Variants in IYD observed in about 807,000 individuals in gnomAD.
IYD encodes iodotyrosine deiodinase 1.
Under a neutral mutation model 28.4 loss-of-function variants are expected in IYD, and 25 were observed. The observed-to-expected ratio is 0.88, with a 90% confidence interval of 0.64 to 1.23. The LOEUF is 1.23. IYD is among the 50% of genes most tolerant of loss of function. The pLI, the probability that IYD is intolerant of heterozygous loss-of-function variation, is 0.00. For synonymous variants in IYD, 140 were observed against 130.8 expected, an observed-to-expected ratio of 1.07 and a Z score of -0.48; for missense variants, 352 against 357.9, an observed-to-expected ratio of 0.98 and a Z score of 0.13.
intron 1 of IYD, chr6:150,384,169 G>C (rs1276801180): frequency 6.6e-6 from 1 of 152,174 alleles, no homozygotes; most frequent in East Asian, 1.9e-4. Flanking sequence ...TATCACAGCA[G>C]ACTGATGATC....
chr6:150,370,921 C>A (rs1052152847), intron 1 of IYD, among the ~76,000 whole-genome samples: 5 of 152,092 alleles, frequency 3.3e-5, no homozygotes, highest in Non-Finnish European at 7.4e-5. Flanking sequence ...AGTGACACAC[C>A]TGAGCAGAAA....
At chr6:150,373,699 C>A (rs1315065476) in intron 1 of IYD, among the ~76,000 whole-genome samples, 1 of 152,144 alleles carries the variant, frequency 6.6e-6, no homozygotes, top group Non-Finnish European at 1.5e-5. Flanking sequence ...TCCCTTCCAC[C>A]CCACAAAGAG....
Position 150,403,113 on chromosome 6 carries a change from T to C in IYD, c.*4876T>C, listed in dbSNP as rs1778556582. The C allele has an allele frequency of 6.6e-6, 1 of 152,142 alleles. No individual in the cohort carries two copies. The highest frequency in any genetic ancestry group is 1.5e-5 in the Non-Finnish European group (1 of 68,022). The allele number at this position is 152,142 out of a possible 1,614,324, so 9.4% of individuals were successfully genotyped here. ...AGGCTAGTTTTTCTAAATATTGGAG[T>C]TCCCAAAGAGTATTCAAACTGATGT... On this transcript the variant is annotated 3_prime_UTR_variant, in exon 5 of 5. Transcript: ENST00000344419.
chr6:150,379,326 T>C (rs141036092), intron 1 of IYD, among the ~76,000 whole-genome samples: 33 of 152,330 alleles, frequency 2.2e-4, no homozygotes, highest in African/African-American at 7.7e-4. Context: ...CAAGCCAGCA[T>C]CGTCCCCCAG....
At chr6:150,383,881 T>C (rs1410238946) in intron 1 of IYD, among the ~76,000 whole-genome samples, 2 of 151,718 alleles carry the variant, frequency 1.3e-5, no homozygotes, top group African/African-American at 4.8e-5. Flanking sequence ...AGTGGATTTG[T>C]ATCTACTAAA....
chr6:150,376,197 C>T (rs923794476), intron 1 of IYD, among the ~76,000 whole-genome samples: 3 of 152,126 alleles, frequency 2.0e-5, no homozygotes, highest in Non-Finnish European at 4.4e-5. Context: ...CAGTTTGGGC[C>T]AAAACTGCTC....
At chr6:150,384,139 G>A (rs974857816) in intron 1 of IYD, among the ~76,000 whole-genome samples, 4 of 152,210 alleles carry the variant, frequency 2.6e-5, no homozygotes, top group African/African-American at 4.8e-5. Context: ...AGGAAAGTGA[G>A]TGCTGAGCAT....
chr6:150,388,965 A>G (rs1446505121), intron 1 of IYD, among the ~76,000 whole-genome samples: 1 of 151,790 alleles, frequency 6.6e-6, no homozygotes, highest in African/African-American at 2.4e-5. Flanking sequence ...GCCTCCCAAA[A>G]TGCTGGGATT....
intron 2 of IYD, 98 bp downstream of exon 2, chr6:150,389,641 G>A: frequency 9.3e-7 from 1 of 1,071,678 alleles, no homozygotes; most frequent in Admixed American, 1.7e-5. Flanking sequence ...AGCGAATAAA[G>A]CCTAGAGTGA....
chr6:150,389,411 C>G lies in IYD; in HGVS notation c.238C>G (p.His80Asp). 1 of 1,613,548 alleles carries G rather than the reference C, an allele frequency of 6.2e-7. No homozygotes were observed. The highest frequency in any genetic ancestry group is 8.5e-7 in the Non-Finnish European group (1 of 1,179,522). The change falls in exon 2 of 5, where the codon CAC (histidine) becomes GAC (aspartate). Residue 80 changes from histidine (H) to aspartate (D), a missense_variant. Coordinates refer to ENST00000344419, the MANE Select transcript of IYD (RefSeq NM_203395.3). ...NVEHIPFSHNHYPEKEMVKRS... is the reference protein window; with the variant it reads ...NVEHIPFSHNDYPEKEMVKRS... ...TGAACACATCCCCTTCTCTCATAACCACTATCCTGAGAAGGAAATGGTTAA... is the reference window on the plus strand; with the variant it reads ...TGAACACATCCCCTTCTCTCATAACGACTATCCTGAGAAGGAAATGGTTAA...
intron 3 of IYD, 77 bp from the exon 4 acceptor site, chr6:150,394,022 T>C: frequency 7.5e-7 from 1 of 1,342,174 alleles, no homozygotes; most frequent in Non-Finnish European, 1.0e-6. Flanking sequence ...TTTATTTTTA[T>C]CATAAAGAAG....
chr6:150,388,675 C>CTTTCTTTCTT (rs1777991106), intron 1 of IYD, among the ~76,000 whole-genome samples: 1 of 133,414 alleles, frequency 7.5e-6, no homozygotes, highest in East Asian at 2.1e-4. Flanking sequence ...TTCTTTCTTT[C>CTTTCTTTCTT]TTTCTTTCTT....
At chr6:150,379,592 A>G (rs1355931195) in intron 1 of IYD, among the ~76,000 whole-genome samples, 2 of 152,238 alleles carry the variant, frequency 1.3e-5, no homozygotes, top group South Asian at 2.1e-4. Flanking sequence ...GTTTAAATAT[A>G]TAAGGAATAA....
intron 1 of IYD, among the ~76,000 whole-genome samples, chr6:150,387,417 A>T (rs1777907509): frequency 7.3e-6 from 1 of 136,150 alleles, no homozygotes; most frequent in African/African-American, 3.0e-5. Context: ...AAGAGAAAGA[A>T]AAAAGTTCTT....
rs917862266 is a variant in IYD, at chr6:150,404,554, A to G, written c.*6317A>G. 1.3e-5 allele frequency: 2 copies of G among 152,230 alleles called. No homozygotes were observed. The highest frequency in any genetic ancestry group is 4.8e-5 in the African/African-American group (2 of 41,460). The allele number at this position is 152,230 out of a possible 1,614,324, so 9.4% of individuals were successfully genotyped here. ...TCAATGATTTGAAGTGCTAAAATAG[A>G]AAATTAAATATGATAAATTACACAA... On this transcript the variant is annotated 3_prime_UTR_variant, in exon 5 of 5. Transcript: ENST00000344419.
chr6:150,392,192 C>T, intron 2 of IYD, 153 bp from the exon 3 acceptor site: 1 of 519,094 alleles, frequency 1.9e-6, no homozygotes, highest in Non-Finnish European at 2.4e-6. Flanking sequence ...GCACACCCTG[C>T]TAGTTAAAAA....
At position 150,389,562 on chromosome 6, in the gene IYD, G is replaced by A; in HGVS notation, c.370+19G>A. ...ACGGCAGGTTTGTAATTGCAGATGG[G>A]GTCTTTGGAAATGTTAGTCACCTTA... is the stretch of plus-strand genomic sequence containing the variant. On this transcript the variant is annotated intron_variant, in intron 2 of 4. Transcript: ENST00000344419. The A allele has an allele frequency of 6.2e-7, 1 of 1,607,350 alleles. No homozygotes were observed. The highest frequency in any genetic ancestry group is 2.2e-5 in the East Asian group (1 of 44,814).
intron 1 of IYD, among the ~76,000 whole-genome samples, chr6:150,372,211 A>T (rs61253143): frequency 0.14 from 20,805 of 151,946 alleles, 2,736 homozygotes; most frequent in African/African-American, 0.33. Context: ...TTCACAAAGA[A>T]TTCCTACTGC....
intron 2 of IYD, among the ~76,000 whole-genome samples, chr6:150,392,082 G>A (rs762293212): frequency 6.6e-6 from 1 of 151,858 alleles, no homozygotes; most frequent in Non-Finnish European, 1.5e-5. Context: ...TCTGTTGCCA[G>A]GCTAGAATGC....
Sources: allele counts gnomAD v4.1 joint callset (sites outside exome capture counted in the v4.1 genomes callset), GRCh38; gene constraint gnomAD v4.1.1; transcripts MANE v1.5; gene names NCBI Gene and HGNC (gene_info 2026-07-23, HGNC 2026-07-21).